The following MAP4K3 variants were observed in gnomAD, a reference collection of about 807,000 sequenced individuals.
The protein encoded by MAP4K3 is MAPK/ERK kinase kinase kinase 3.
Under a neutral mutation model 143.5 loss-of-function variants are expected in MAP4K3, and 94 were observed. The observed-to-expected ratio is 0.65, with a 90% CI of 0.55 to 0.78. The LOEUF (loss-of-function observed/expected upper bound fraction) is 0.78, where lower values mean the gene tolerates loss of function less well. Ranked by LOEUF, MAP4K3 falls within the 30% of genes least tolerant of loss-of-function variation. The probability of loss-of-function intolerance (pLI) is 0.00; values close to 1 mark genes in which losing one functional copy is unlikely to be tolerated. For synonymous variants in MAP4K3, 416 were observed against 347.2 expected, an observed-to-expected ratio of 1.20 and a Z score of -2.20; for missense variants, 1,077 against 1,068.1, an observed-to-expected ratio of 1.01 and a Z score of -0.12.
intron 6 of MAP4K3, among the ~76,000 whole-genome samples, chr2:39,336,471 CAAAAAAAAAAAAAAAAAAA>C (rs55780656): frequency 2.6e-5 from 1 of 38,664 alleles, no homozygotes; most frequent in Admixed American, 4.5e-4. Context: ...GACTCCATCT[CAAAAAAAAAAAAAAAAAAA>C]AAAAAAAAAA....
chr2:39,272,737 T>A (rs1403370390), intron 24 of MAP4K3, among the ~76,000 whole-genome samples, 195 bp from the exon 25 acceptor site: 2 of 152,044 alleles, frequency 1.3e-5, no homozygotes, highest in Non-Finnish European at 2.9e-5. Context: ...AGAGAAAAAA[T>A]AAATTAGGCT....
chr2:39,298,964 C>CAA (rs371633915), intron 16 of MAP4K3, among the ~76,000 whole-genome samples: 1,610 of 68,418 alleles, frequency 0.024, 26 homozygotes, highest in East Asian at 0.081. Context: ...CACTCTGCCT[C>CAA]AAAAAAAAAA....
intron 12 of MAP4K3, among the ~76,000 whole-genome samples, chr2:39,320,374 G>A (rs1683261210): frequency 1.3e-5 from 2 of 152,100 alleles, no homozygotes; most frequent in African/African-American, 4.8e-5. Context: ...CAAATTTTTT[G>A]TGTGAAAAAT....
At chr2:39,296,331 G>C (rs1383390919) in intron 16 of MAP4K3, among the ~76,000 whole-genome samples, 3 of 152,152 alleles carry the variant, frequency 2.0e-5, no homozygotes, top group East Asian at 3.8e-4. Context: ...GAGAGCACTG[G>C]AGAAAATGTG....
chr2:39,353,857 G>C (rs1446757820), intron 3 of MAP4K3, among the ~76,000 whole-genome samples: 1 of 152,122 alleles, frequency 6.6e-6, no homozygotes, highest in Non-Finnish European at 1.5e-5. Context: ...TACCCAGGAA[G>C]TACTCACACC....
At chr2:39,381,377 G>A (rs1666352308) in intron 1 of MAP4K3, among the ~76,000 whole-genome samples, 1 of 152,056 alleles carries the variant, frequency 6.6e-6, no homozygotes, top group South Asian at 2.1e-4. Context: ...CATATATTCT[G>A]GATATAAATC....
intron 2 of MAP4K3, among the ~76,000 whole-genome samples, chr2:39,373,556 A>G (rs1447792228): frequency 1.3e-5 from 2 of 152,246 alleles, no homozygotes; most frequent in African/African-American, 4.8e-5. Context: ...TCAACAGATG[A>G]ATGAAGAAAG....
chr2:39,336,064 T>C lies in MAP4K3; in HGVS notation c.414+856A>G, dbSNP rs1013188263. Among the ~76,000 whole-genome samples the C allele has an allele frequency of 2.0e-5, 3 of 152,104 alleles. No homozygotes were observed. In the South Asian group the frequency reaches 6.2e-4, roughly 32 times the overall value. On this transcript the variant is annotated intron_variant, in intron 6 of 33. Coordinates refer to ENST00000263881, the MANE Select transcript of MAP4K3 (RefSeq NM_003618.4). ...AGAAAAAAAATCTAAACTGGGGAGA[T>C]GGCAGTATCTTTAGAAATATGCTAA...
At chr2:39,299,933 T>C (rs1682440975) in intron 15 of MAP4K3, 132 bp from the exon 16 acceptor site, 1 of 378,462 alleles carries the variant, frequency 2.6e-6, no homozygotes, top group Non-Finnish European at 4.8e-6. Context: ...TGCTATACAT[T>C]CTTAAAAAGA....
At chr2:39,400,287 C>G (rs1218668643) in intron 1 of MAP4K3, among the ~76,000 whole-genome samples, 1 of 152,224 alleles carries the variant, frequency 6.6e-6, no homozygotes, top group Non-Finnish European at 1.5e-5. Context: ...TGGAATACTA[C>G]AGTCTCCAGT....
chr2:39,309,605 T>C (rs1325112694), intron 13 of MAP4K3, 86 bp from the exon 14 acceptor site: 23 of 679,528 alleles, frequency 3.4e-5, no homozygotes, highest in Non-Finnish European at 4.5e-5. Context: ...TCTCCCACGC[T>C]GGAGTGCAGT....
At chr2:39,322,414 C>A (rs1168972103) in intron 12 of MAP4K3, among the ~76,000 whole-genome samples, 1 of 151,958 alleles carries the variant, frequency 6.6e-6, no homozygotes, top group Admixed American at 6.6e-5. Flanking sequence ...TAATGCTGTA[C>A]ATAGTAAGTG....
rs764319129 is a variant in MAP4K3, at chr2:39,309,494, G to A, written c.1023C>T (p.Pro341=). Residue 341 remains proline, a synonymous_variant, in exon 14 of 34, where the codon CCC becomes CCT. Transcript: ENST00000263881. ...ITFGQVKFDP[P]LRKETEPHHE... Reference sequence around the variant, plus strand: ...GATGTGGTTCTGTCTCCTTTCTTAAGGGTGGATCAAATTTCACTTGGCCAA... The same window carrying A: ...GATGTGGTTCTGTCTCCTTTCTTAAAGGTGGATCAAATTTCACTTGGCCAA... 6.9e-6 allele frequency: 11 copies of A among 1,593,348 alleles called. No individual in the cohort carries two copies. The South Asian group carries it at 1.2e-4, about 17-fold the overall frequency.
At position 39,416,001 on chromosome 2, in the gene MAP4K3, AT is replaced by A. The variant is rs1667367188; in HGVS notation, c.96+20890del. On this transcript the variant is annotated intron_variant, in intron 1 of 33. Coordinates refer to ENST00000263881, the MANE Select transcript of MAP4K3 (RefSeq NM_003618.4). Reference sequence around the variant, plus strand: ...AAAAAATATATATATATATATATATATATAAAAATAACATTTGGAAGAATAA... The same window carrying A: ...AAAAAATATATATATATATATATATAATAAAAATAACATTTGGAAGAATAA... Among the ~76,000 whole-genome samples the A allele has an allele frequency of 3.6e-5, 4 of 109,978 alleles. 1 individual carries two copies. Among genetic ancestry groups the A allele is most frequent in the African/African-American group, 1.5e-4 (4 of 26,960 alleles). The allele number at this position is 109,978 out of a possible 152,430, so 72.1% of individuals were successfully genotyped here. A position where few individuals can be genotyped will look rare whatever the true frequency, so the allele number is the denominator to read the frequency against.
At chr2:39,354,785 G>A (rs1665559580) in intron 3 of MAP4K3, among the ~76,000 whole-genome samples, 1 of 152,174 alleles carries the variant, frequency 6.6e-6, no homozygotes, top group African/African-American at 2.4e-5. Context: ...TTTTTCAAAA[G>A]CTAGAAAGAT....
chr2:39,316,929 A>C (rs1053818408), intron 12 of MAP4K3, among the ~76,000 whole-genome samples: 2 of 152,140 alleles, frequency 1.3e-5, no homozygotes, highest in African/African-American at 4.8e-5. Flanking sequence ...ATTCACGTGG[A>C]ATCAAAAAAG....
intron 3 of MAP4K3, among the ~76,000 whole-genome samples, chr2:39,355,425 T>C (rs1274599310): frequency 6.8e-6 from 1 of 146,274 alleles, no homozygotes; most frequent in Non-Finnish European, 1.5e-5. Context: ...CAGCTATTCA[T>C]GAGGCTGAGG....
At chr2:39,362,604 T>C (rs1665801289) in intron 2 of MAP4K3, among the ~76,000 whole-genome samples, 1 of 152,214 alleles carries the variant, frequency 6.6e-6, no homozygotes, top group Non-Finnish European at 1.5e-5. Context: ...AAGAGCATTG[T>C]TAAAATGTTC....
In MAP4K3 at chr2:39,310,577, T is replaced by C. The variant is rs180734053; in HGVS notation, c.998-1058A>G. Among the ~76,000 whole-genome samples, 438 of 151,818 alleles carry C rather than the reference T, an allele frequency of 2.9e-3. 1 individual carries two copies. Among genetic ancestry groups the C allele is most frequent in the African/African-American group, 9.4e-3 (388 of 41,374 alleles). ...TGGGAGTGTAGATATCTCTTAGATA[T>C]ACTGGTATCCTTTCTTTTGGATGCA... On this transcript the variant is annotated intron_variant, in intron 13 of 33. Coordinates refer to ENST00000263881, the MANE Select transcript of MAP4K3 (RefSeq NM_003618.4).
Sources: gnomAD v4.1 joint callset for allele counts (sites outside exome capture counted in the v4.1 genomes callset) on GRCh38, gnomAD v4.1.1 for gene constraint, MANE v1.5 for transcripts, NCBI Gene and HGNC (gene_info 2026-07-23, HGNC 2026-07-21) for gene names.